ICAM3: variants seen among roughly 807,000 people sequenced by gnomAD.
ICAM3 encodes the protein intercellular adhesion molecule 3.
ICAM3 carries 54 observed loss-of-function variants against 43.6 expected under a neutral mutation model. The ratio of observed to expected loss-of-function variants is 1.24; its 90% CI spans 0.99 to 1.55. ICAM3 has a LOEUF of 1.55. ICAM3 is among the 40% of genes most tolerant of loss of function. ICAM3 has a pLI of 0.00. For missense variants in ICAM3, 715 were observed against 717.9 expected, an observed-to-expected ratio of 1.00 and a Z score of 0.05; for synonymous variants, 306 against 312.6, an observed-to-expected ratio of 0.98 and a Z score of 0.22.
At position 10,335,304 on chromosome 19, in the gene ICAM3, C is replaced by T. The variant is rs772102271; in HGVS notation, c.699G>A (p.Val233=). ...PRLVAPRFLE[V]ETSWPVDCTL... ...TGCAGTCCACCGGCCACGACGTTTC[C>T]ACCTCCAAGAACCGGGGGGCCACGA... The change falls in exon 4 of 7, where the codon GTG becomes GTA. Residue 233 remains valine, a synonymous_variant. Transcript: ENST00000160262. 8 of 1,612,612 alleles carry T rather than the reference C, an allele frequency of 5.0e-6. No individual in the cohort carries two copies. The East Asian group carries it at 1.6e-4, about 31-fold the overall frequency.
Position 10,335,155 on chromosome 19 carries a change from C to A in ICAM3, c.848G>T (p.Arg283Leu). 1 of 1,613,804 alleles carries A rather than the reference C, an allele frequency of 6.2e-7. No individual in the cohort carries two copies. The highest frequency in any genetic ancestry group is 8.5e-7 in the Non-Finnish European group (1 of 1,180,006). Residue 283 changes from arginine (R) to leucine (L), a missense_variant, in exon 4 of 7, where the codon CGC (arginine) becomes CTC (leucine). Physicochemically the swap from Arg to Leu is moderately radical, Grantham distance 102. Coordinates refer to ENST00000160262, the MANE Select transcript of ICAM3 (RefSeq NM_002162.5). ...CTCCCGGGCACCCTCCTGATCCGCG[C>A]GCGCCGTGGCTGTGGCTGTGGCCGT... Reference protein sequence around the residue: ...TLTATATATARADQEGAREIV... With the variant: ...TLTATATATALADQEGAREIV...
Position 10,334,261 on chromosome 19 carries a change from C to A in ICAM3, c.1340G>T (p.Gly447Val), listed in dbSNP as rs775301087. 6.2e-7 allele frequency: 1 copy of A among 1,614,036 alleles called. No individual in the cohort carries two copies. The highest frequency in any genetic ancestry group is 8.5e-7 in the Non-Finnish European group (1 of 1,180,040). The change falls in exon 6 of 7, where the codon GGG becomes GTG. Residue 447 changes from glycine (G) to valine (V), a missense_variant. By Grantham distance (109) the Gly-to-Val change is moderately radical (BLOSUM62 -3). Coordinates refer to ENST00000160262, the MANE Select transcript of ICAM3 (RefSeq NM_002162.5). This position sits in a 1 kb window ranked among gnomAD's most constrained non-coding sequence, Gnocchi z 5.5. ...KEGSSREVPV[G>V]IPFFVNVTHN... ...TGTTACGTTGACGAAGAACGGGATC[C>A]CCACCGGCACCTCCCGGCTGGAGCC...
Position 10,339,561 on chromosome 19 carries a change from C to A in ICAM3, c.54G>T (p.Leu18=). 4 of 1,614,078 alleles carry A rather than the reference C, an allele frequency of 2.5e-6. No individual in the cohort carries two copies. Among genetic ancestry groups the A allele is most frequent in the Non-Finnish European group, 3.4e-6 (4 of 1,179,996 alleles). ...VLWPRACWTL[L]VCCLLTPGVQ... is the part of the protein sequence containing the mutation. ...CACCTGGGGTCAGCAGACAGCAGAC[C>A]AGCAGAGTCCAGCAGGCCCTGGGCC... The change falls in exon 1 of 7, where the codon CTG becomes CTT. Residue 18 remains leucine (L), a synonymous_variant. Coordinates refer to ENST00000160262, the MANE Select transcript of ICAM3 (RefSeq NM_002162.5).
chr19:10,335,420 C>T (rs966604227), intron 3 of ICAM3, 67 bp from the exon 4 acceptor site: 3 of 1,410,922 alleles, frequency 2.1e-6, no homozygotes, highest in African/African-American at 2.8e-5. Context: ...CCTCATCCCC[C>T]CCAGTCAGGA....
chr19:10,333,893 T>A lies in ICAM3; in HGVS notation c.1608A>T (p.Thr536=), dbSNP rs369252388. The part of the protein sequence containing the change: ...TYLPLTSMQP[T]EAMGEEPSRA... Reference sequence around the variant, plus strand: ...TGGACGGTTCTTCCCCCATTGCTTCTGTCGGCTGCATAGACGTGAGGGGCA... The same window carrying A: ...TGGACGGTTCTTCCCCCATTGCTTCAGTCGGCTGCATAGACGTGAGGGGCA... Residue 536 remains threonine, a synonymous_variant, in exon 7 of 7, where the codon ACA becomes ACT. Coordinates refer to ENST00000160262, the MANE Select transcript of ICAM3 (RefSeq NM_002162.5). This position sits in a 1 kb window ranked among gnomAD's most constrained non-coding sequence, Gnocchi z 4.2. The A allele has an allele frequency of 2.5e-6, 4 of 1,614,076 alleles. No individual in the cohort carries two copies. The highest frequency in any genetic ancestry group is 3.4e-6 in the Non-Finnish European group (4 of 1,180,042).
At position 10,334,165 on chromosome 19, in the gene ICAM3, A is replaced by G. The variant is rs375739786; in HGVS notation, c.1436T>C (p.Ile479Thr). The change falls in exon 6 of 7, where the codon ATT becomes ACT. Residue 479 changes from isoleucine to threonine, a missense_variant. Transcript: ENST00000160262. This position sits in a 1 kb window ranked among gnomAD's most constrained non-coding sequence, Gnocchi z 5.5. Reference protein sequence around the residue: ...GKYTLVVVMDIEAGSSHFVPV... With the variant: ...GKYTLVVVMDTEAGSSHFVPV... ...GCAGCCCCGTGTTAGCTCACCCTCA[A>G]TGTCCATCACCACGACCAGGGTGTA... 4.3e-6 allele frequency: 7 copies of G among 1,613,584 alleles called. No individual in the cohort carries two copies. Among genetic ancestry groups the G allele is most frequent in the South Asian group, 1.1e-5 (1 of 91,074 alleles).
In ICAM3 at chr19:10,334,114, G is replaced by A; in HGVS notation, c.1441+46C>T. The A allele has an allele frequency of 1.9e-6, 2 of 1,045,154 alleles. No homozygotes were observed. The highest frequency in any genetic ancestry group is 1.8e-5 in the Admixed American group (1 of 54,248). 64.7% of individuals were successfully genotyped at this position (1,045,154 alleles called of 1,614,324 possible). A position where few individuals can be genotyped will look rare whatever the true frequency, so the allele number is the denominator to read the frequency against. The stretch of plus-strand genomic sequence containing the variant: ...CGTCCCTTCTGTCTCCAACCCCCCC[G>A]CCCCCCGGCTTACCGGTCCAGACCC... On this transcript the variant is annotated intron_variant, in intron 6 of 6. Transcript: ENST00000160262. The surrounding 1 kb of genome is among the most constrained non-coding windows in gnomAD (Gnocchi z 5.5).
In ICAM3 at chr19:10,334,441, A is replaced by T. The variant is rs370694366; in HGVS notation, c.1193-33T>A. 16 of 1,612,628 alleles carry T rather than the reference A, an allele frequency of 9.9e-6. No individual in the cohort carries two copies. Among genetic ancestry groups the T allele is most frequent in the Middle Eastern group, 1.6e-4 (1 of 6,076 alleles). The stretch of plus-strand genomic sequence containing the variant: ...ACCACCATGTGTGATCAGACACCCA[A>T]CACACCCGAGGCACAGTGGTGCAGA... On this transcript the variant is annotated intron_variant, in intron 5 of 6. Coordinates refer to ENST00000160262, the MANE Select transcript of ICAM3 (RefSeq NM_002162.5). This position sits in a 1 kb window ranked among gnomAD's most constrained non-coding sequence, Gnocchi z 5.5.
At position 10,334,103 on chromosome 19, in the gene ICAM3, C is replaced by T; in HGVS notation, c.1442-44G>A. 6.2e-7 allele frequency: 1 copy of T among 1,609,876 alleles called. No individual in the cohort carries two copies. The highest frequency in any genetic ancestry group is 2.2e-5 in the East Asian group (1 of 44,782). On this transcript the variant is annotated intron_variant, in intron 6 of 6. Coordinates refer to ENST00000160262, the MANE Select transcript of ICAM3 (RefSeq NM_002162.5). The surrounding 1 kb of genome is among the most constrained non-coding windows in gnomAD (Gnocchi z 5.5). ...AAGTCAATATGCGTCCCTTCTGTCT[C>T]CAACCCCCCCGCCCCCCGGCTTACC...
Position 10,335,284 on chromosome 19 carries a change from T to C in ICAM3, c.719A>G (p.Asp240Gly), listed in dbSNP as rs752843833. 4 of 1,612,864 alleles carry C rather than the reference T, an allele frequency of 2.5e-6. No individual in the cohort carries two copies. The highest frequency in any genetic ancestry group is 1.6e-4 in the Middle Eastern group (1 of 6,082). ...TGGAAAAAGCCCGTCTAGGGTGCAGTCCACCGGCCACGACGTTTCCACCTC... is the reference window on the plus strand; with the variant it reads ...TGGAAAAAGCCCGTCTAGGGTGCAGCCCACCGGCCACGACGTTTCCACCTC... ...FLEVETSWPV[D>G]CTLDGLFPAS... Residue 240 changes from aspartate to glycine, a missense_variant, in exon 4 of 7, where the codon GAC becomes GGC. Coordinates refer to ENST00000160262, the MANE Select transcript of ICAM3 (RefSeq NM_002162.5).
At chr19:10,337,768 C>G (rs145896733) in intron 2 of ICAM3, among the ~76,000 whole-genome samples, 1,827 of 152,286 alleles carry the variant, frequency 0.012, 34 homozygotes, top group African/African-American at 0.041. Flanking sequence ...GGACTTCAGG[C>G]ATGTGCCACC....
chr19:10,336,580 C>A (rs1190181686), intron 2 of ICAM3, among the ~76,000 whole-genome samples: 1 of 151,930 alleles, frequency 6.6e-6, no homozygotes, highest in Admixed American at 6.6e-5. Flanking sequence ...CCAAGGTGGA[C>A]GGATCACCTG....
intron 2 of ICAM3, chr19:10,336,224 T>TA (rs74312588): frequency 0.2 from 91,575 of 457,280 alleles, 7,287 homozygotes; most frequent in South Asian, 0.23. Flanking sequence ...GATGGCACAA[T>TA]AAAAAAAAAT....
At position 10,334,584 on chromosome 19, in the gene ICAM3, A is replaced by AGAGT; in HGVS notation, c.1132_1135dup (p.Leu379HisfsTer14). The AGAGT allele has an allele frequency of 6.2e-7, 1 of 1,613,648 alleles. No homozygotes were observed. The highest frequency in any genetic ancestry group is 8.5e-7 in the Non-Finnish European group (1 of 1,179,926). ...GTGCAAGAACTCGCCGTCCACCTCGAGAGTGGCACTGCAGAAGAAGCTGCG... is the reference window on the plus strand; with the variant it reads ...GTGCAAGAACTCGCCGTCCACCTCGAGAGTGAGTGGCACTGCAGAAGAAGCTGCG... On this transcript the variant is annotated frameshift_variant, in exon 5 of 7. Coordinates refer to ENST00000160262, the MANE Select transcript of ICAM3 (RefSeq NM_002162.5). LOFTEE classifies it high-confidence loss of function. This position sits in a 1 kb window ranked among gnomAD's most constrained non-coding sequence, Gnocchi z 5.5.
intron 2 of ICAM3, among the ~76,000 whole-genome samples, chr19:10,336,923 C>T (rs1023212623): frequency 6.9e-6 from 1 of 144,538 alleles, no homozygotes; most frequent in East Asian, 2.1e-4. Context: ...CAACCTGGCC[C>T]ATATGGCAAA....
chr19:10,333,961 G>T lies in ICAM3; in HGVS notation c.1540C>A (p.Gln514Lys), dbSNP rs1040803495. Residue 514 changes from glutamine to lysine, a missense_variant, in exon 7 of 7, where the codon CAA becomes AAA. Gln to Lys is a moderately conservative substitution (Grantham distance 53). Transcript: ENST00000160262. The surrounding 1 kb of genome is among the most constrained non-coding windows in gnomAD (Gnocchi z 4.2). ...LALMYVFREH[Q>K]RSGSYHVREE... ...CTAACATGGTAACTGCCGCTCCGTT[G>T]GTGCTCCCTGAAGACGTACATTAAG... The T allele has an allele frequency of 6.2e-7, 1 of 1,614,132 alleles. No individual in the cohort carries two copies. The highest frequency in any genetic ancestry group is 8.5e-7 in the Non-Finnish European group (1 of 1,180,032).
At position 10,338,680 on chromosome 19, in the gene ICAM3, A is replaced by T. The variant is rs772254677; in HGVS notation, c.343+2T>A. 3 of 1,613,570 alleles carry T rather than the reference A, an allele frequency of 1.9e-6. No individual in the cohort carries two copies. The highest frequency in any genetic ancestry group is 3.3e-5 in the Admixed American group (2 of 59,976). On this transcript the variant is annotated splice_donor_variant, in intron 2 of 6. Coordinates refer to ENST00000160262, the MANE Select transcript of ICAM3 (RefSeq NM_002162.5). LOFTEE classifies it high-confidence loss of function. ...GTCCCACCTCCGGACACGTCGACTC[A>T]CTGTACACGGTGATGTTAGAGGAGC...
chr19:10,336,103 C>T, intron 2 of ICAM3, 127 bp from the exon 3 acceptor site: 1 of 833,916 alleles, frequency 1.2e-6, no homozygotes, highest in Non-Finnish European at 1.8e-6. Flanking sequence ...ACTTAGAGGG[C>T]TTAGAGCTGG....
Position 10,334,171 on chromosome 19 carries a change from A to G in ICAM3, c.1430T>C (p.Met477Thr), listed in dbSNP as rs766816255. ...CCGTGTTAGCTCACCCTCAATGTCCATCACCACGACCAGGGTGTATTTGCC... is the reference window on the plus strand; with the variant it reads ...CCGTGTTAGCTCACCCTCAATGTCCGTCACCACGACCAGGGTGTATTTGCC... ...SRGKYTLVVV[M>T]DIEAGSSHFV... is the part of the protein sequence containing the mutation. Residue 477 changes from methionine to threonine, a missense_variant, in exon 6 of 7, where the codon ATG becomes ACG. By Grantham distance (81) the Met-to-Thr change is moderately conservative. Coordinates refer to ENST00000160262, the MANE Select transcript of ICAM3 (RefSeq NM_002162.5). This position sits in a 1 kb window ranked among gnomAD's most constrained non-coding sequence, Gnocchi z 5.5. 8 of 1,612,516 alleles carry G rather than the reference A, an allele frequency of 5.0e-6. No individual in the cohort carries two copies. Among genetic ancestry groups the G allele is most frequent in the Non-Finnish European group, 6.8e-6 (8 of 1,179,300 alleles).
Sources: gnomAD v4.1 joint callset for allele counts (sites outside exome capture counted in the v4.1 genomes callset) on GRCh38, gnomAD v4.1.1 for gene constraint, Gnocchi (gnomAD v3.1) non-coding constraint, MANE v1.5 for transcripts, NCBI Gene and HGNC (gene_info 2026-07-23, HGNC 2026-07-21) for gene names.